CEP63: variants seen among roughly 807,000 people sequenced by gnomAD.
The protein encoded by CEP63 is centrosomal protein of 63 kDa.
Under a neutral mutation model 89.1 loss-of-function variants are expected in CEP63, and 84 were observed. The ratio of observed to expected loss-of-function variants is 0.94; its 90% CI spans 0.79 to 1.13. The LOEUF (loss-of-function observed/expected upper bound fraction) is 1.13. CEP63 is among the 50% of genes most tolerant of loss of function. The pLI, the probability that CEP63 is intolerant of heterozygous loss-of-function variation, is 0.00. For missense variants in CEP63, 838 were observed against 813.3 expected, an observed-to-expected ratio of 1.03 and a Z score of -0.37; for synonymous variants, 267 against 272.5, an observed-to-expected ratio of 0.98 and a Z score of 0.20.
chr3:134,564,300 C>A lies in CEP63; in HGVS notation c.*2765C>A. ...CGTTTCTTTTGTGTTGGTGTGCATG[C>A]TGTCCTTCAGTTTGTCTCCTCTTCC... On this transcript the variant is annotated 3_prime_UTR_variant, in exon 15 of 15. Coordinates refer to ENST00000675561, the MANE Select transcript of CEP63 (RefSeq NM_001353108.3). The A allele has an allele frequency of 3.3e-5, 33 of 985,346 alleles. No homozygotes were observed. The highest frequency in any genetic ancestry group is 3.9e-5 in the Non-Finnish European group (32 of 829,898). 61.0% of individuals were successfully genotyped at this position (985,346 alleles called of 1,614,324 possible).
the CEP63 span, among the ~76,000 whole-genome samples, chr3:134,680,500 G>A: frequency 3.9e-5 from 6 of 152,178 alleles, no homozygotes; most frequent in African/African-American, 1.4e-4. Context: ...CACTCCCCGA[G>A]GGGTCTGGGG....
rs575439527 is a variant in CEP63, at chr3:134,539,569, A to G, written c.555+2301A>G. Among the ~76,000 whole-genome samples, 8 of 152,254 alleles carry G rather than the reference A, an allele frequency of 5.3e-5. 1 individual carries two copies. The highest frequency in any genetic ancestry group is 4.1e-4 in the South Asian group (2 of 4,826). ...CAGAAAACTATCTTTTTACAATTGA[A>G]TGTTTGAGTCAGAATCCAGTCAAGG... On this transcript the variant is annotated intron_variant, in intron 6 of 14. Transcript: ENST00000675561.
intron 3 of CEP63, among the ~76,000 whole-genome samples, chr3:134,515,319 C>T (rs1300507737): frequency 1.3e-5 from 2 of 152,110 alleles, no homozygotes; most frequent in African/African-American, 4.8e-5. Context: ...AAGATGAAAG[C>T]TTTAAATCAA....
chr3:134,723,759 G>A, the CEP63 span, among the ~76,000 whole-genome samples: 1 of 152,138 alleles, frequency 6.6e-6, no homozygotes, highest in African/African-American at 2.4e-5. Context: ...CTCTCTATCT[G>A]TAATATAAAG....
At chr3:134,647,111 G>C in the CEP63 span, among the ~76,000 whole-genome samples, 8 of 152,176 alleles carry the variant, frequency 5.3e-5, no homozygotes, top group African/African-American at 1.7e-4. Flanking sequence ...AAGATAGATG[G>C]CTGCCTCTCA....
chr3:134,656,870 T>C, the CEP63 span, among the ~76,000 whole-genome samples: 5 of 152,148 alleles, frequency 3.3e-5, no homozygotes, highest in Non-Finnish European at 7.3e-5. Context: ...TTACTAACAA[T>C]TTAGAAAGTG....
chr3:134,551,635 G>A (rs764331715), intron 11 of CEP63, among the ~76,000 whole-genome samples: 23 of 151,362 alleles, frequency 1.5e-4, no homozygotes, highest in Admixed American at 5.3e-4. Context: ...TTGCTGCTTT[G>A]TCACCTGATT....
chr3:134,583,808 A>G (rs1219476070), intron 10 of CEP63, among the ~76,000 whole-genome samples: 1 of 152,174 alleles, frequency 6.6e-6, no homozygotes, highest in Non-Finnish European at 1.5e-5. Flanking sequence ...CCTCCTATCC[A>G]TGAGTATGGA....
chr3:134,758,085 A>T, the CEP63 span, among the ~76,000 whole-genome samples: 1 of 152,174 alleles, frequency 6.6e-6, no homozygotes, highest in South Asian at 2.1e-4. Context: ...AGAACTGATA[A>T]TTATTATGCC....
Position 134,550,211 on chromosome 3 carries a change from G to A in CEP63, c.1331G>A (p.Arg444Gln), listed in dbSNP as rs140451650. 6.5e-4 allele frequency: 1,046 copies of A among 1,614,102 alleles called. 3 individuals carry two copies. The highest frequency in any genetic ancestry group is 2.5e-3 in the Admixed American group (149 of 60,024). Residue 444 changes from arginine to glutamine, a missense_variant, in exon 11 of 15, where the codon CGA (arginine) becomes CAA (glutamine). Physicochemically the swap from Arg to Gln is conservative, Grantham distance 43. Transcript: ENST00000675561. ...GGTTCTTCCTCAGACATGGAAAAGC[G>A]ACTCAGAGCAGAGATGCAAAAGGCA... ...TKGSSSDMEK[R>Q]LRAEMQKAED...
chr3:134,615,508 A>C, the CEP63 span: 1 of 151,478 alleles, frequency 6.6e-6, no homozygotes, highest in Non-Finnish European at 1.5e-5. Flanking sequence ...TTTAAGTTTT[A>C]GGATACATGT....
the CEP63 span, among the ~76,000 whole-genome samples, chr3:134,709,150 T>C: frequency 6.6e-6 from 1 of 152,148 alleles, no homozygotes; most frequent in Non-Finnish European, 1.5e-5. Flanking sequence ...TGGCACCAGA[T>C]GATAGAGCTT....
At chr3:134,754,648 G>T in the CEP63 span, among the ~76,000 whole-genome samples, 15 of 152,158 alleles carry the variant, frequency 9.9e-5, no homozygotes, top group African/African-American at 3.4e-4. Context: ...CTCAGAAGTT[G>T]GGAGTGTGTC....
At chr3:134,604,616 A>G in the CEP63 span, 1 of 708,634 alleles carries the variant, frequency 1.4e-6, no homozygotes, top group African/African-American at 1.8e-5. Flanking sequence ...TACTTTCACC[A>G]CAGTCCATTT....
the CEP63 span, among the ~76,000 whole-genome samples, chr3:134,662,674 A>G: frequency 6.6e-6 from 1 of 152,234 alleles, no homozygotes; most frequent in Non-Finnish European, 1.5e-5. Flanking sequence ...GTTTGCTAAT[A>G]CAGAGCATCA....
chr3:134,531,249 G>GT (rs1379490671), intron 3 of CEP63, among the ~76,000 whole-genome samples: 6 of 152,172 alleles, frequency 3.9e-5, no homozygotes, highest in African/African-American at 1.4e-4. Context: ...ATTTTCATGA[G>GT]TTTTTTTGAT....
intron 3 of CEP63, among the ~76,000 whole-genome samples, chr3:134,522,396 G>A (rs1947654305): frequency 6.6e-6 from 1 of 152,098 alleles, no homozygotes; most frequent in Non-Finnish European, 1.5e-5. Flanking sequence ...GGTGATTCTA[G>A]TGAAAGAAGA....
At chr3:134,546,068 C>A in intron 7 of CEP63, 81 bp from the exon 8 acceptor site, 1 of 1,473,422 alleles carries the variant, frequency 6.8e-7, no homozygotes, top group East Asian at 2.3e-5. Context: ...TAATAGCTGG[C>A]TTAGAAATTT....
At position 134,490,019 on chromosome 3, in the gene CEP63, G is replaced by T. The variant is rs1046438818; in HGVS notation, c.-26+3817G>T. On this transcript the variant is annotated intron_variant, in intron 1 of 14. Coordinates refer to ENST00000675561, the MANE Select transcript of CEP63 (RefSeq NM_001353108.3). The stretch of plus-strand genomic sequence containing the variant: ...TTGCTTTCTGGTAAATAATTTTCCT[G>T]GCTCATTTATAGATTTCTGGTCTTC... Among the ~76,000 whole-genome samples the T allele has an allele frequency of 2.6e-5, 4 of 151,920 alleles. No homozygotes were observed. In the South Asian group the frequency reaches 6.2e-4, roughly 24 times the overall value.
Sources: allele counts gnomAD v4.1 joint callset (sites outside exome capture counted in the v4.1 genomes callset), GRCh38; gene constraint gnomAD v4.1.1; transcripts MANE v1.5; gene names NCBI Gene and HGNC (gene_info 2026-07-23, HGNC 2026-07-21).